Variants in BCAS3 observed in about 807,000 individuals in gnomAD.
The protein encoded by BCAS3 is BCAS3 microtubule associated cell migration factor.
Under a neutral mutation model 116.1 loss-of-function variants are expected in BCAS3, and 53 were observed. The observed-to-expected ratio is 0.46, with a 90% CI of 0.37 to 0.57. The LOEUF (loss-of-function observed/expected upper bound fraction) is 0.57, where lower values mean the gene tolerates loss of function less well. BCAS3 is among the 20% of genes least tolerant of loss of function. The pLI, the probability that BCAS3 is intolerant of heterozygous loss-of-function variation, is 0.00. For missense variants in BCAS3, 917 were observed against 1,165.4 expected (o/e 0.79, Z 3.10); for synonymous variants, 391 against 408.2 (o/e 0.96, Z 0.51).
chr17:61,047,073 CT>C (rs1266545165), intron 19 of BCAS3, among the ~76,000 whole-genome samples: 1 of 151,954 alleles, frequency 6.6e-6, no homozygotes, highest in African/African-American at 2.4e-5. Flanking sequence ...CTAAACACTT[CT>C]TATGTAACCT....
intron 10 of BCAS3, among the ~76,000 whole-genome samples, chr17:60,897,375 A>T (rs1204504888): frequency 6.6e-6 from 1 of 152,144 alleles, no homozygotes; most frequent in Non-Finnish European, 1.5e-5. Flanking sequence ...CAATGACTAT[A>T]ATGTGCCTTA....
chr17:61,288,164 G>A (rs1029723943), intron 22 of BCAS3, among the ~76,000 whole-genome samples: 1 of 152,182 alleles, frequency 6.6e-6, no homozygotes, highest in Non-Finnish European at 1.5e-5. Context: ...CATTAAATGA[G>A]GCACTCAATC....
intron 7 of BCAS3, among the ~76,000 whole-genome samples, chr17:60,854,297 A>G (rs541650902): frequency 6.6e-6 from 1 of 152,284 alleles, no homozygotes; most frequent in South Asian, 2.1e-4. Context: ...CCAGTCTATC[A>G]TTGATGCACA....
At chr17:60,702,000 A>G (rs570929648) in intron 4 of BCAS3, among the ~76,000 whole-genome samples, 244 of 151,924 alleles carry the variant, frequency 1.6e-3, no homozygotes, top group Non-Finnish European at 2.6e-3. Flanking sequence ...AAAGAAAAGT[A>G]TGTCTCTCTC....
intron 22 of BCAS3, among the ~76,000 whole-genome samples, chr17:61,277,373 A>G (rs1371180518): frequency 6.6e-6 from 1 of 152,154 alleles, no homozygotes; most frequent in African/African-American, 2.4e-5. Flanking sequence ...CCTAAATGTA[A>G]GAGGTGAAGC....
At chr17:60,923,536 T>G (rs1487554893) in intron 12 of BCAS3, among the ~76,000 whole-genome samples, 1 of 152,210 alleles carries the variant, frequency 6.6e-6, no homozygotes, top group Non-Finnish European at 1.5e-5. Flanking sequence ...GACTTGACTC[T>G]TAACATGCAT....
At chr17:61,168,595 G>C (rs117497461) in intron 22 of BCAS3, among the ~76,000 whole-genome samples, 1 of 152,130 alleles carries the variant, frequency 6.6e-6, no homozygotes. Flanking sequence ...AGGCTTAATG[G>C]TAGATCAAAA....
At chr17:61,218,900 G>C (rs2081955262) in intron 22 of BCAS3, among the ~76,000 whole-genome samples, 1 of 152,118 alleles carries the variant, frequency 6.6e-6, no homozygotes, top group African/African-American at 2.4e-5. Context: ...AAACATAGGA[G>C]AACCAAAAGA....
At chr17:60,764,990 T>G (rs1239925946) in intron 6 of BCAS3, among the ~76,000 whole-genome samples, 1 of 152,202 alleles carries the variant, frequency 6.6e-6, no homozygotes, top group Non-Finnish European at 1.5e-5. Context: ...AAAGTCTGTT[T>G]TATCAGAGCC....
Position 61,189,441 on chromosome 17 carries a change from A to G in BCAS3, c.2425+104877A>G, listed in dbSNP as rs116412153. On this transcript the variant is annotated intron_variant, in intron 22 of 23. Transcript: ENST00000407086. The surrounding 1 kb of genome is among the most constrained non-coding windows in gnomAD (Gnocchi z 4.5). ...GTTAAGGAACTTGGACTTATATCCT[A>G]TAAGGATGGAGAAGGGTCTTAGGCA... 6.6e-6 allele frequency among the ~76,000 whole-genome samples: 1 copy of G among 152,332 alleles called. No individual in the cohort carries two copies. Among genetic ancestry groups the G allele is most frequent in the African/African-American group, 2.4e-5 (1 of 41,562 alleles).
At position 60,993,560 on chromosome 17, in the gene BCAS3, A is replaced by G. The variant is rs945659623; in HGVS notation, c.1486+3325A>G. Among the ~76,000 whole-genome samples, 7 of 152,214 alleles carry G rather than the reference A, an allele frequency of 4.6e-5. No individual in the cohort carries two copies. On this transcript the variant is annotated intron_variant, in intron 15 of 23. Coordinates refer to ENST00000407086, the MANE Select transcript of BCAS3 (RefSeq NM_017679.5). The surrounding 1 kb of genome is among the most constrained non-coding windows in gnomAD (Gnocchi z 4.2). ...TTCTCATTTTTGAAGCATGGACTTT[A>G]GAGTGATGGTCATTTTTCTTCATGT...
In BCAS3 at chr17:61,302,169, TC is replaced by T. The variant is rs1324091309; in HGVS notation, c.2426-66152del. ...CATGCCAGGAGAAAGAGCCAAAAAC[TC>T]CCCCCTCCCCCGACTCCCAGGGTTC... On this transcript the variant is annotated intron_variant, in intron 22 of 23. Coordinates refer to ENST00000407086, the MANE Select transcript of BCAS3 (RefSeq NM_017679.5). This position sits in a 1 kb window ranked among gnomAD's most constrained non-coding sequence, Gnocchi z 4.4. 6.6e-6 allele frequency among the ~76,000 whole-genome samples: 1 copy of T among 151,604 alleles called. No homozygotes were observed.
intron 6 of BCAS3, among the ~76,000 whole-genome samples, chr17:60,750,999 G>A (rs1443160451): frequency 2.0e-5 from 3 of 152,142 alleles, no homozygotes; most frequent in Non-Finnish European, 4.4e-5. Context: ...ATAAATATTT[G>A]TTGAATGTTG....
chr17:60,951,832 C>T (rs2145266094), intron 14 of BCAS3, among the ~76,000 whole-genome samples: 1 of 137,134 alleles, frequency 7.3e-6, no homozygotes, highest in African/African-American at 2.8e-5. Context: ...TGCAATGGCA[C>T]AATCGCGGCT....
chr17:60,865,875 T>A (rs1268988966), intron 7 of BCAS3, among the ~76,000 whole-genome samples: 2 of 152,106 alleles, frequency 1.3e-5, no homozygotes, highest in Non-Finnish European at 2.9e-5. Context: ...TATCTGTAGA[T>A]TTTTTTATAG....
intron 22 of BCAS3, among the ~76,000 whole-genome samples, chr17:61,240,067 C>T (rs1245245257): frequency 6.6e-6 from 1 of 152,112 alleles, no homozygotes; most frequent in Non-Finnish European, 1.5e-5. Context: ...AAGAGAAAAG[C>T]ATCTTGTAGA....
intron 5 of BCAS3, among the ~76,000 whole-genome samples, chr17:60,722,915 C>G (rs1379741729): frequency 1.3e-5 from 2 of 151,946 alleles, no homozygotes; most frequent in Non-Finnish European, 2.9e-5. Context: ...GTGGCATGTG[C>G]CTGTGGTTCC....
chr17:61,305,633 T>C lies in BCAS3; in HGVS notation c.2426-62694T>C, dbSNP rs184469741. ...GGCTGTGGCTGGGTGCAGTGGCTCA[T>C]GCCTGTAATCCCAGCACTCTGGGAG... On this transcript the variant is annotated intron_variant, in intron 22 of 23. Transcript: ENST00000407086. Among the ~76,000 whole-genome samples the C allele has an allele frequency of 9.6e-3, 1,462 of 152,330 alleles. 88 individuals carry two copies. The highest frequency in any genetic ancestry group is 0.087 in the Admixed American group (1,334 of 15,298).
intron 6 of BCAS3, among the ~76,000 whole-genome samples, chr17:60,799,582 G>A (rs1338482942): frequency 7.2e-6 from 1 of 138,892 alleles, no homozygotes; most frequent in Non-Finnish European, 1.5e-5. Flanking sequence ...AGGCTGGAGT[G>A]CAGTGGCCTG....
Sources: gnomAD v4.1 joint callset for allele counts (sites outside exome capture counted in the v4.1 genomes callset) on GRCh38, gnomAD v4.1.1 for gene constraint, Gnocchi (gnomAD v3.1) non-coding constraint, MANE v1.5 for transcripts, NCBI Gene and HGNC (gene_info 2026-07-23, HGNC 2026-07-21) for gene names.